Variants in TTC28 observed in about 807,000 individuals in gnomAD.
The protein encoded by TTC28 is tetratricopeptide repeat domain 28.
TTC28 carries 61 observed loss-of-function variants against 198.0 expected under a neutral mutation model. The ratio of observed to expected loss-of-function variants is 0.31; its 90% CI spans 0.25 to 0.38. TTC28 has a LOEUF of 0.38. TTC28 is among the 10% of genes least tolerant of loss of function. The pLI, the probability that TTC28 is intolerant of heterozygous loss-of-function variation, is 1.00. For missense variants in TTC28, 2,678 were observed against 3,164.0 expected (o/e 0.85, Z 3.69); for synonymous variants, 1,171 against 1,297.8 (o/e 0.90, Z 2.10).
chr22:28,142,618 A>C (rs2146992288), intron 6 of TTC28, among the ~76,000 whole-genome samples: 1 of 152,328 alleles, frequency 6.6e-6, no homozygotes, highest in African/African-American at 2.4e-5. Flanking sequence ...AATTATGCAG[A>C]GCCTCAGCAA....
chr22:28,574,885 T>C (rs963265483), intron 2 of TTC28, among the ~76,000 whole-genome samples: 19 of 152,224 alleles, frequency 1.2e-4, no homozygotes, highest in Non-Finnish European at 2.4e-4. Context: ...TAGATTTTTT[T>C]CCCATAGAGT....
At chr22:28,056,344 GGCAGACACCTGATCA>G (rs1354288856) in intron 12 of TTC28, 1 of 152,300 alleles carries the variant, frequency 6.6e-6, no homozygotes, top group African/African-American at 2.4e-5. Flanking sequence ...CTGAACTTAG[GGCAGACACCTGATCA>G]GCACAGCACC....
chr22:28,480,766 GA>G (rs1057333774), intron 2 of TTC28, among the ~76,000 whole-genome samples: 8 of 151,416 alleles, frequency 5.3e-5, no homozygotes, highest in Non-Finnish European at 1.5e-5. Flanking sequence ...AACCAAGAAG[GA>G]AAAAAATACA....
intron 2 of TTC28, among the ~76,000 whole-genome samples, chr22:28,538,891 A>G (rs2049353402): frequency 6.6e-6 from 1 of 152,144 alleles, no homozygotes; most frequent in East Asian, 1.9e-4. Context: ...AACTATGTGC[A>G]TGCTTTACAT....
At chr22:28,120,385 G>A (rs948944383) in intron 6 of TTC28, among the ~76,000 whole-genome samples, 1 of 152,084 alleles carries the variant, frequency 6.6e-6, no homozygotes, top group Non-Finnish European at 1.5e-5. Flanking sequence ...TCTTATTTGA[G>A]TCTAGGGACA....
At chr22:27,983,915 C>T in intron 22 of TTC28, 64 bp from the exon 23 acceptor site, 1 of 1,474,304 alleles carries the variant, frequency 6.8e-7, no homozygotes, top group Non-Finnish European at 9.0e-7. Flanking sequence ...ATTTTTCTTT[C>T]AAAATTTACG....
chr22:28,466,796 G>A (rs1238496042), intron 2 of TTC28, among the ~76,000 whole-genome samples: 1 of 143,544 alleles, frequency 7.0e-6, no homozygotes, highest in Non-Finnish European at 1.5e-5. Context: ...CCCATAATCA[G>A]TATTCTCACA....
intron 2 of TTC28, among the ~76,000 whole-genome samples, chr22:28,442,400 C>G (rs896199053): frequency 6.6e-6 from 1 of 152,258 alleles, no homozygotes; most frequent in Non-Finnish European, 1.5e-5. Context: ...GGCTGGTGTG[C>G]TGGGGCTGCT....
chr22:28,224,629 A>ATG (rs1928147457), intron 5 of TTC28, among the ~76,000 whole-genome samples: 8 of 152,178 alleles, frequency 5.3e-5, no homozygotes, highest in Admixed American at 4.6e-4. Context: ...TATTTGGTCC[A>ATG]TGTGCACAGA....
chr22:28,362,683 G>A (rs1031564314), intron 2 of TTC28, among the ~76,000 whole-genome samples: 5 of 152,162 alleles, frequency 3.3e-5, no homozygotes, highest in African/African-American at 1.2e-4. Flanking sequence ...TGAAATCCAG[G>A]CTGAGGTGGT....
intron 2 of TTC28, among the ~76,000 whole-genome samples, chr22:28,431,751 G>T (rs1290097051): frequency 1.3e-5 from 2 of 152,156 alleles, no homozygotes; most frequent in Admixed American, 6.5e-5. Context: ...GCCAAGGCAG[G>T]CATATCACTT....
At chr22:28,317,470 T>G (rs2045370615) in intron 2 of TTC28, among the ~76,000 whole-genome samples, 2 of 152,242 alleles carry the variant, frequency 1.3e-5, no homozygotes, top group African/African-American at 4.8e-5. Context: ...TTATAGACTT[T>G]ATTCCCAATG....
Position 28,679,732 on chromosome 22 carries a change from G to A in TTC28, c.-9C>T. 8 of 1,219,208 alleles carry A rather than the reference G, an allele frequency of 6.6e-6. No homozygotes were observed. The highest frequency in any genetic ancestry group is 8.2e-6 in the Non-Finnish European group (8 of 978,192). The allele number at this position is 1,219,208 out of a possible 1,614,324, so 75.5% of individuals were successfully genotyped here. Reference sequence around the variant, plus strand: ...GGCGGCGACTGCTCCATCCCCACGGGGCCCGGGCCGCGTCCGCCTCGAGCT... The same window carrying A: ...GGCGGCGACTGCTCCATCCCCACGGAGCCCGGGCCGCGTCCGCCTCGAGCT... On this transcript the variant is annotated 5_prime_UTR_variant, in exon 1 of 23. Transcript: ENST00000397906.
chr22:27,985,916 C>CTAATGAGA (rs1937196595), intron 21 of TTC28: 1 of 154,730 alleles, frequency 6.5e-6, no homozygotes, highest in South Asian at 2.0e-4. Context: ...GGTGCTGCTC[C>CTAATGAGA]CTAATTCTAA....
At chr22:28,603,952 T>C (rs2050683460) in intron 2 of TTC28, among the ~76,000 whole-genome samples, 1 of 152,124 alleles carries the variant, frequency 6.6e-6, no homozygotes, top group Admixed American at 6.6e-5. Flanking sequence ...GTATTGGTCA[T>C]CTATCTTATC....
chr22:28,515,686 TAGCCA>T (rs200689923), intron 2 of TTC28, among the ~76,000 whole-genome samples: 2,258 of 152,292 alleles, frequency 0.015, 98 homozygotes, highest in Admixed American at 0.098. Flanking sequence ...GGATACCAGC[TAGCCA>T]CTATACATGG....
intron 5 of TTC28, among the ~76,000 whole-genome samples, chr22:28,285,857 T>C (rs1475535796): frequency 6.6e-6 from 1 of 152,114 alleles, no homozygotes; most frequent in East Asian, 1.9e-4. Flanking sequence ...ATGTTTGTAA[T>C]GGCAAGAAAA....
At chr22:28,439,489 T>A (rs2047581379) in intron 2 of TTC28, among the ~76,000 whole-genome samples, 1 of 152,242 alleles carries the variant, frequency 6.6e-6, no homozygotes. Flanking sequence ...AATTCCCAAG[T>A]ATAATGGTAA....
At chr22:28,522,956 G>C (rs543075762) in intron 2 of TTC28, among the ~76,000 whole-genome samples, 1 of 148,340 alleles carries the variant, frequency 6.7e-6, no homozygotes, top group South Asian at 2.1e-4. Context: ...TCTGGAATTA[G>C]ATAGTGGTGA....
Sources: allele counts gnomAD v4.1 joint callset (sites outside exome capture counted in the v4.1 genomes callset), GRCh38; gene constraint gnomAD v4.1.1; transcripts MANE v1.5; gene names NCBI Gene and HGNC (gene_info 2026-07-23, HGNC 2026-07-21).